The following ALPK1 variants were observed in gnomAD, a reference collection of about 807,000 sequenced individuals.
ALPK1 encodes the protein alpha kinase 1, also known as alpha-protein kinase 1.
ALPK1 carries 110 observed loss-of-function variants against 120.6 expected under a neutral mutation model. That is an observed-to-expected ratio of 0.91 (90% confidence interval 0.78 to 1.07). The LOEUF (loss-of-function observed/expected upper bound fraction) is 1.07, where lower values mean the gene tolerates loss of function less well. ALPK1 is among the 50% of genes least tolerant of loss of function. The pLI is 0.00. For missense variants in ALPK1, 1,498 were observed against 1,483.9 expected (o/e 1.01, Z -0.16); for synonymous variants, 582 against 560.3 (o/e 1.04, Z -0.55).
chr4:112,369,951 C>T (rs1338813695), intron 2 of ALPK1, among the ~76,000 whole-genome samples: 1 of 152,174 alleles, frequency 6.6e-6, no homozygotes, highest in African/African-American at 2.4e-5. Flanking sequence ...CTTTACCTTT[C>T]TCCACATCTT....
chr4:112,310,335 G>A (rs1365550507), intron 1 of ALPK1, among the ~76,000 whole-genome samples: 1 of 152,046 alleles, frequency 6.6e-6, no homozygotes, highest in Admixed American at 6.6e-5. Flanking sequence ...CATTTGAGAG[G>A]CTCCAGATCC....
chr4:112,325,669 A>C (rs72666233), intron 2 of ALPK1, among the ~76,000 whole-genome samples: 5,540 of 152,222 alleles, frequency 0.036, 150 homozygotes, highest in Non-Finnish European at 0.047. Flanking sequence ...TCCCTGCCCC[A>C]CTTTGTCCTG....
intron 6 of ALPK1, among the ~76,000 whole-genome samples, chr4:112,424,497 G>A (rs1375624158): frequency 6.6e-6 from 1 of 152,192 alleles, no homozygotes; most frequent in Non-Finnish European, 1.5e-5. Context: ...CATGAAAGGA[G>A]GCAAGACCTA....
At chr4:112,393,358 G>A (rs1732508994) in intron 4 of ALPK1, among the ~76,000 whole-genome samples, 1 of 152,086 alleles carries the variant, frequency 6.6e-6, no homozygotes, top group Non-Finnish European at 1.5e-5. Context: ...TTGGGGAGGG[G>A]GTGTGGGGGA....
In ALPK1 at chr4:112,430,462, G is replaced by A. The variant is rs199945458; in HGVS notation, c.915G>A (p.Thr305=). The A allele has an allele frequency of 2.9e-5, 45 of 1,573,154 alleles. No individual in the cohort carries two copies. The highest frequency in any genetic ancestry group is 3.4e-4 in the Middle Eastern group (2 of 5,864). ...FVLTAVNIRG[T]CLLSYSSSND... ...ATTTTTCCCAGAATATCCGTGGCACGTGTTTATTGTCCTACAGTAGTTCAA... is the reference window on the plus strand; with the variant it reads ...ATTTTTCCCAGAATATCCGTGGCACATGTTTATTGTCCTACAGTAGTTCAA... The change falls in exon 11 of 16, where the codon ACG becomes ACA. Residue 305 remains threonine (T), a synonymous_variant. Coordinates refer to ENST00000650871, the MANE Select transcript of ALPK1 (RefSeq NM_025144.4).
intron 5 of ALPK1, among the ~76,000 whole-genome samples, chr4:112,419,622 A>G (rs925816102): frequency 6.6e-6 from 1 of 152,198 alleles, no homozygotes. Context: ...AGAAACTCTA[A>G]AAACTGCAGA....
chr4:112,432,583 T>C lies in ALPK1; in HGVS notation c.3034+2T>C, dbSNP rs1461496254. On this transcript the variant is annotated splice_donor_variant, in intron 11 of 15. Coordinates refer to ENST00000650871, the MANE Select transcript of ALPK1 (RefSeq NM_025144.4). LOFTEE classifies it high-confidence loss of function. Reference sequence around the variant, plus strand: ...CCAGTCAACTCCACCGAGCACATAGTAAGTACAATCTTTTCAATAGTTCCC... The same window carrying C: ...CCAGTCAACTCCACCGAGCACATAGCAAGTACAATCTTTTCAATAGTTCCC... The C allele has an allele frequency of 6.2e-7, 1 of 1,609,026 alleles. No individual in the cohort carries two copies. The highest frequency in any genetic ancestry group is 1.1e-5 in the South Asian group (1 of 90,980).
In ALPK1 at chr4:112,442,156, A is replaced by G. The variant is rs1053032552; in HGVS notation, c.*946A>G. The stretch of plus-strand genomic sequence containing the variant: ...TGAGAATTCATTCACTCTCACGAGA[A>G]CAGCATGGGAAAAACTGCCTCAATT... On this transcript the variant is annotated 3_prime_UTR_variant, in exon 16 of 16. Transcript: ENST00000650871. 6.6e-6 allele frequency: 1 copy of G among 152,224 alleles called. No individual in the cohort carries two copies. The highest frequency in any genetic ancestry group is 1.5e-5 in the Non-Finnish European group (1 of 68,062). 9.4% of individuals were successfully genotyped at this position (152,224 alleles called of 1,614,324 possible). A position where few individuals can be genotyped will look rare whatever the true frequency, so the allele number is the denominator to read the frequency against.
intron 4 of ALPK1, among the ~76,000 whole-genome samples, chr4:112,389,654 G>C (rs1290687370): frequency 6.6e-6 from 1 of 152,200 alleles, no homozygotes; most frequent in African/African-American, 2.4e-5. Context: ...GACGGGGTGG[G>C]CACTAAGTAT....
chr4:112,426,486 A>G lies in ALPK1; in HGVS notation c.642A>G (p.Ala214=). Residue 214 remains alanine, a synonymous_variant, in exon 8 of 16, where the codon GCA becomes GCG. Transcript: ENST00000650871. ...LQKLGMWYEA[A]ELIWASIVGY... is the part of the protein sequence containing the mutation. ...TTTCAGGGATGTGGTACGAAGCAGC[A>G]GAGTTAATATGGGCCTCCATTGTAG... The G allele has an allele frequency of 6.2e-7, 1 of 1,606,182 alleles. No individual in the cohort carries two copies. The highest frequency in any genetic ancestry group is 1.7e-5 in the Admixed American group (1 of 58,970).
At chr4:112,330,910 C>T (rs949360466) in intron 2 of ALPK1, among the ~76,000 whole-genome samples, 3 of 152,150 alleles carry the variant, frequency 2.0e-5, no homozygotes, top group Non-Finnish European at 4.4e-5. Flanking sequence ...CTAAGAGAAG[C>T]ATAGCAAGGG....
rs1443757889 is a variant in ALPK1 at position 112,432,223 on chromosome 4, A to G, written c.2676A>G (p.Val892=). ...GGGCGGAGACCCCCAATTCCTCTGTAAGCGGTAACATCCTCTTCCCTGTCC... is the reference window on the plus strand; with the variant it reads ...GGGCGGAGACCCCCAATTCCTCTGTGAGCGGTAACATCCTCTTCCCTGTCC... The part of the protein sequence containing the change: ...GQRAETPNSS[V]SGNILFPVLS... The change falls in exon 11 of 16, where the codon GTA becomes GTG. Residue 892 remains valine (V), a synonymous_variant. Coordinates refer to ENST00000650871, the MANE Select transcript of ALPK1 (RefSeq NM_025144.4). 6.2e-7 allele frequency: 1 copy of G among 1,614,186 alleles called. No individual in the cohort carries two copies. Among genetic ancestry groups the G allele is most frequent in the East Asian group, 2.2e-5 (1 of 44,874 alleles).
chr4:112,387,885 A>T (rs921701840), intron 4 of ALPK1, among the ~76,000 whole-genome samples: 2 of 152,152 alleles, frequency 1.3e-5, no homozygotes, highest in Non-Finnish European at 2.9e-5. Flanking sequence ...CCCAAGTACT[A>T]AGCCTAGTAC....
intron 5 of ALPK1, among the ~76,000 whole-genome samples, chr4:112,416,262 A>G (rs893564228): frequency 3.3e-5 from 5 of 152,304 alleles, no homozygotes; most frequent in Admixed American, 3.3e-4. Flanking sequence ...ACTAATGACC[A>G]CTAACAACCT....
chr4:112,314,611 G>C (rs4463128), intron 1 of ALPK1, among the ~76,000 whole-genome samples: 45,994 of 151,984 alleles, frequency 0.3, 7,429 homozygotes, highest in East Asian at 0.4. Flanking sequence ...GTGATTTGGA[G>C]AGACCAAGTG....
chr4:112,374,839 A>G (rs949688907), intron 2 of ALPK1, among the ~76,000 whole-genome samples: 7 of 152,216 alleles, frequency 4.6e-5, no homozygotes, highest in African/African-American at 1.7e-4. Flanking sequence ...AGGTCTCAAC[A>G]GGGCACTTAA....
intron 1 of ALPK1, among the ~76,000 whole-genome samples, chr4:112,298,243 C>T (rs1443426812): frequency 4.0e-5 from 6 of 151,702 alleles, no homozygotes; most frequent in South Asian, 2.1e-4. Context: ...TCTCTGCTTG[C>T]GATATATATT....
intron 11 of ALPK1, 48 bp downstream of exon 11, chr4:112,432,629 T>C (rs1270279822): frequency 6.5e-7 from 1 of 1,548,024 alleles, no homozygotes; most frequent in Admixed American, 1.8e-5. Context: ...GCAGCTGTGT[T>C]GGGGCACTCT....
chr4:112,304,981 T>G lies in ALPK1; in HGVS notation c.-153+7512T>G, dbSNP rs544513130. ...TTTTCTACATATGGCTAGCCAGTTT[T>G]CCCAGCACCATTTATTAAATAGGGA... On this transcript the variant is annotated intron_variant, in intron 1 of 15. Coordinates refer to ENST00000650871, the MANE Select transcript of ALPK1 (RefSeq NM_025144.4). Among the ~76,000 whole-genome samples, 1,189 of 152,244 alleles carry G rather than the reference T, an allele frequency of 7.8e-3. 16 individuals carry two copies. Among genetic ancestry groups the G allele is most frequent in the Admixed American group, 0.015 (224 of 15,296 alleles).
Sources: gnomAD v4.1 joint callset for allele counts (sites outside exome capture counted in the v4.1 genomes callset) on GRCh38, gnomAD v4.1.1 for gene constraint, MANE v1.5 for transcripts, NCBI Gene and HGNC (gene_info 2026-07-23, HGNC 2026-07-21) for gene names.